The following RNF180 variants were observed in gnomAD, a reference collection of about 807,000 sequenced individuals.
RNF180 encodes ring finger protein 180.
Under a neutral mutation model 59.2 loss-of-function variants are expected in RNF180, and 38 were observed. The ratio of observed to expected loss-of-function variants is 0.64; its 90% confidence interval spans 0.50 to 0.84. RNF180 has a LOEUF of 0.84. RNF180 is among the 40% of genes least tolerant of loss of function. RNF180 has a pLI of 0.00. For synonymous variants in RNF180, 262 were observed against 240.3 expected, an observed-to-expected ratio of 1.09 and a Z score of -0.84; for missense variants, 705 against 700.9, an observed-to-expected ratio of 1.01 and a Z score of -0.07.
intron 5 of RNF180, among the ~76,000 whole-genome samples, chr5:64,257,503 A>T: frequency 6.6e-6 from 1 of 152,190 alleles, no homozygotes; most frequent in Non-Finnish European, 1.5e-5. Context: ...GCTGGATTAC[A>T]TTTATTGATT....
At position 64,363,519 on chromosome 5, in the gene RNF180, G is replaced by A. The variant is rs145539504; in HGVS notation, c.1580-6096G>A. ...GTAGTATAGTTTGAAGGCAGCTAGC[G>A]TGATGCCTCCAGCTGTGTTCTTATT... On this transcript the variant is annotated intron_variant, in intron 7 of 7. Transcript: ENST00000389100. 4.5e-4 allele frequency among the ~76,000 whole-genome samples: 68 copies of A among 151,928 alleles called. 1 individual carries two copies. The highest frequency in any genetic ancestry group is 4.4e-3 in the South Asian group (21 of 4,820).
intron 7 of RNF180, among the ~76,000 whole-genome samples, chr5:64,347,354 A>C (rs968616321): frequency 2.0e-5 from 3 of 152,220 alleles, no homozygotes; most frequent in African/African-American, 7.2e-5. Flanking sequence ...TTTAAAATGG[A>C]TATCAAGGTA....
rs551300056 is a variant in RNF180, at chr5:64,249,376, C to A, written c.1227+31980C>A. ...TAAGGCTAGCAGCAGGCTTCTCAGC[C>A]GAAACCTTACAGGCCAGGATAGAGT... is the stretch of plus-strand genomic sequence containing the variant. On this transcript the variant is annotated intron_variant, in intron 5 of 7. Coordinates refer to ENST00000389100, the MANE Select transcript of RNF180 (RefSeq NM_001113561.2). Among the ~76,000 whole-genome samples the A allele has an allele frequency of 2.0e-5, 3 of 152,184 alleles. No individual in the cohort carries two copies. In the East Asian group the frequency reaches 5.8e-4, roughly 29 times the overall value.
chr5:64,223,111 G>A (rs1417604581), intron 5 of RNF180, among the ~76,000 whole-genome samples: 1 of 152,182 alleles, frequency 6.6e-6, no homozygotes, highest in South Asian at 2.1e-4. Context: ...TATGTTGACA[G>A]GGTAGTATTT....
chr5:64,175,167 A>G (rs1180952200), intron 1 of RNF180, among the ~76,000 whole-genome samples: 2 of 151,826 alleles, frequency 1.3e-5, no homozygotes, highest in East Asian at 1.9e-4. Flanking sequence ...GGGTTTCTCC[A>G]TGTTGGTCAG....
intron 2 of RNF180, among the ~76,000 whole-genome samples, chr5:64,204,646 G>T (rs1001917403): frequency 3.3e-5 from 5 of 151,856 alleles, no homozygotes; most frequent in African/African-American, 1.2e-4. Context: ...CATTCTTGTG[G>T]TGTCTTTGTT....
intron 7 of RNF180, among the ~76,000 whole-genome samples, chr5:64,369,261 G>A (rs1319249708): frequency 6.6e-6 from 1 of 151,952 alleles, no homozygotes; most frequent in African/African-American, 2.4e-5. Context: ...ATCGAACAGT[G>A]AGAACACATG....
At chr5:64,315,337 G>A (rs1021436291) in intron 5 of RNF180, among the ~76,000 whole-genome samples, 1 of 152,072 alleles carries the variant, frequency 6.6e-6, no homozygotes, top group Non-Finnish European at 1.5e-5. Context: ...TCTTTTTTGT[G>A]AAAATGTCTA....
intron 7 of RNF180, among the ~76,000 whole-genome samples, chr5:64,337,030 T>G (rs1745156948): frequency 6.6e-6 from 1 of 152,022 alleles, no homozygotes; most frequent in African/African-American, 2.4e-5. Context: ...TGTTTTTGTT[T>G]TTGTTTTTTT....
At chr5:64,253,964 A>G (rs1308618918) in intron 5 of RNF180, among the ~76,000 whole-genome samples, 1 of 152,112 alleles carries the variant, frequency 6.6e-6, no homozygotes, top group Non-Finnish European at 1.5e-5. Context: ...TATTTTTTAT[A>G]TTAAATTTAC....
intron 5 of RNF180, among the ~76,000 whole-genome samples, chr5:64,320,962 C>T (rs1744312096): frequency 2.0e-5 from 3 of 151,986 alleles, no homozygotes; most frequent in African/African-American, 4.8e-5. Context: ...GGCATGAACC[C>T]GGGAGGCGGA....
In RNF180 at chr5:64,276,319, GGTGTGTGTGT is replaced by G. The variant is rs375203511; in HGVS notation, c.1228-48836_1228-48827del. Among the ~76,000 whole-genome samples, 540 of 138,186 alleles carry G rather than the reference GGTGTGTGTGT, an allele frequency of 3.9e-3. 2 individuals are homozygous for G. Among genetic ancestry groups the G allele is most frequent in the Non-Finnish European group, 6.0e-3 (389 of 64,468 alleles). The allele number at this position is 138,186 out of a possible 152,430, so 90.7% of individuals were successfully genotyped here. The stretch of plus-strand genomic sequence containing the variant: ...CAGAACTGGGAACAAAAAATACATT[GGTGTGTGTGT>G]GTGTGTGTGTGTGTGTGTGTGTGTG... On this transcript the variant is annotated intron_variant, in intron 5 of 7. Transcript: ENST00000389100.
intron 1 of RNF180, among the ~76,000 whole-genome samples, chr5:64,192,901 A>G (rs1241683761): frequency 1.4e-5 from 1 of 71,190 alleles, no homozygotes; most frequent in Non-Finnish European, 2.7e-5. Flanking sequence ...AAAGTGTGGC[A>G]TGTATATATA....
chr5:64,310,623 C>T (rs10039444), intron 5 of RNF180, among the ~76,000 whole-genome samples: 67,325 of 151,320 alleles, frequency 0.44, 16,337 homozygotes, highest in African/African-American at 0.65. Context: ...TTTTTTGTGA[C>T]AAATTTTTAT....
chr5:64,280,501 T>A (rs1207219550), intron 5 of RNF180, among the ~76,000 whole-genome samples: 1 of 152,126 alleles, frequency 6.6e-6, no homozygotes, highest in East Asian at 1.9e-4. Context: ...AAATAAGGTG[T>A]CCAGTGTTAA....
chr5:64,237,865 A>C (rs942793556), intron 5 of RNF180, among the ~76,000 whole-genome samples: 5 of 150,574 alleles, frequency 3.3e-5, no homozygotes, highest in African/African-American at 9.8e-5. Context: ...CCCCGCTTTC[A>C]CTCTCCTGCT....
At chr5:64,324,325 C>T (rs1744521665) in intron 5 of RNF180, among the ~76,000 whole-genome samples, 1 of 152,182 alleles carries the variant, frequency 6.6e-6, no homozygotes, top group Admixed American at 6.5e-5. Flanking sequence ...CCAACACTCA[C>T]CCCAACTGGG....
chr5:64,182,208 G>C (rs979701217), intron 1 of RNF180, among the ~76,000 whole-genome samples: 1 of 151,960 alleles, frequency 6.6e-6, no homozygotes, highest in Non-Finnish European at 1.5e-5. Flanking sequence ...AGCCAGGATG[G>C]TCTTGATCTC....
At chr5:64,309,897 C>T (rs1490900597) in intron 5 of RNF180, among the ~76,000 whole-genome samples, 1 of 151,402 alleles carries the variant, frequency 6.6e-6, no homozygotes, top group Non-Finnish European at 1.5e-5. Flanking sequence ...CATCTTTTGG[C>T]GAAAATGTCG....
Sources: gnomAD v4.1 joint callset for allele counts (sites outside exome capture counted in the v4.1 genomes callset) on GRCh38, gnomAD v4.1.1 for gene constraint, MANE v1.5 for transcripts, NCBI Gene and HGNC (gene_info 2026-07-23, HGNC 2026-07-21) for gene names.